SUMF1: variants seen among roughly 807,000 people sequenced by gnomAD.
SUMF1 encodes formylglycine-generating enzyme.
A neutral mutation model predicts 47.6 loss-of-function variants in SUMF1; 48 were observed. That is an observed-to-expected ratio of 1.01 (90% CI 0.80 to 1.28). SUMF1 has a LOEUF of 1.28. SUMF1 is among the 50% of genes most tolerant of loss of function. SUMF1 has a pLI of 0.00. For missense variants in SUMF1, 571 were observed against 485.4 expected, an observed-to-expected ratio of 1.18 and a Z score of -1.66; for synonymous variants, 230 against 192.1, an observed-to-expected ratio of 1.20 and a Z score of -1.63.
At chr3:4,432,478 A>G (rs1702263504) in intron 3 of SUMF1, among the ~76,000 whole-genome samples, 1 of 152,088 alleles carries the variant, frequency 6.6e-6, no homozygotes, top group Non-Finnish European at 1.5e-5. Context: ...ACAAAGCTCT[A>G]TGTAATCCAA....
chr3:4,420,993 C>G (rs1271852686), intron 3 of SUMF1, among the ~76,000 whole-genome samples: 1 of 152,184 alleles, frequency 6.6e-6, no homozygotes, highest in East Asian at 1.9e-4. Context: ...TGGGAGCACA[C>G]CCACCTGCCT....
chr3:4,065,622 C>T (rs1183107139), intron 9 of SUMF1, among the ~76,000 whole-genome samples: 1 of 152,022 alleles, frequency 6.6e-6, no homozygotes, highest in African/African-American at 2.4e-5. Flanking sequence ...CTTAAGCAAT[C>T]ATTTGAACTT....
chr3:4,197,359 C>A (rs1383615173), intron 8 of SUMF1, among the ~76,000 whole-genome samples: 3 of 152,072 alleles, frequency 2.0e-5, no homozygotes, highest in Non-Finnish European at 2.9e-5. Context: ...CCTCAGCCTC[C>A]CAAAGTGCTG....
At chr3:4,172,710 G>T (rs1574949070) in intron 8 of SUMF1, among the ~76,000 whole-genome samples, 1 of 151,842 alleles carries the variant, frequency 6.6e-6, no homozygotes, top group South Asian at 2.1e-4. Context: ...TTGTTTTTTG[G>T]GGTTTTTTCT....
intron 8 of SUMF1, among the ~76,000 whole-genome samples, chr3:4,300,379 A>G (rs1697938081): frequency 6.6e-6 from 1 of 152,198 alleles, no homozygotes. Flanking sequence ...TCTTTTCTTT[A>G]TAAATTACCT....
At chr3:4,450,550 T>A (rs1702935444) in intron 2 of SUMF1, among the ~76,000 whole-genome samples, 1 of 152,154 alleles carries the variant, frequency 6.6e-6, no homozygotes, top group Non-Finnish European at 1.5e-5. Context: ...ACACCTACCA[T>A]GTGCTCAGTT....
chr3:4,176,381 A>G (rs370909067), intron 8 of SUMF1, among the ~76,000 whole-genome samples: 14 of 152,210 alleles, frequency 9.2e-5, no homozygotes, highest in African/African-American at 3.4e-4. Context: ...GGGGGCCAAT[A>G]TTCAACGTTC....
chr3:4,444,461 T>C (rs181567655), intron 3 of SUMF1, among the ~76,000 whole-genome samples: 1 of 152,316 alleles, frequency 6.6e-6, no homozygotes, highest in East Asian at 1.9e-4. Context: ...GTTTCAATAA[T>C]ACAGAAATAG....
chr3:4,364,441 G>A (rs1312473391), intron 8 of SUMF1, among the ~76,000 whole-genome samples: 30 of 145,434 alleles, frequency 2.1e-4, no homozygotes, highest in African/African-American at 7.6e-4. Context: ...CTTCTTCCTG[G>A]TTTAGTCTTG....
At chr3:4,303,237 C>G (rs1437885816) in intron 8 of SUMF1, 27 of 944,886 alleles carry the variant, frequency 2.9e-5, no homozygotes. Context: ...GGAAGGGAAG[C>G]GCCTTCCAGG....
intron 3 of SUMF1, among the ~76,000 whole-genome samples, chr3:4,421,591 C>T (rs1434680085): frequency 6.6e-6 from 1 of 152,154 alleles, no homozygotes; most frequent in East Asian, 1.9e-4. Context: ...GTGATCCTCC[C>T]GCCTCACCAT....
chr3:4,385,575 C>A (rs140577798), intron 7 of SUMF1, among the ~76,000 whole-genome samples: 128 of 152,252 alleles, frequency 8.4e-4, no homozygotes, highest in South Asian at 1.7e-3. Context: ...ACTCTGTAGC[C>A]TGCCTTTATA....
intron 7 of SUMF1, among the ~76,000 whole-genome samples, chr3:4,399,819 G>A (rs543875204): frequency 5.9e-5 from 9 of 152,170 alleles, no homozygotes; most frequent in East Asian, 1.9e-4. Flanking sequence ...GTGCAGTAGC[G>A]CGATCTCGGC....
intron 7 of SUMF1, among the ~76,000 whole-genome samples, chr3:4,407,772 T>C (rs1374189809): frequency 1.3e-5 from 2 of 152,200 alleles, no homozygotes; most frequent in Non-Finnish European, 2.9e-5. Flanking sequence ...TTGCCTCAAA[T>C]GGCAGATGTA....
At chr3:4,137,241 G>T (rs549207045) in intron 8 of SUMF1, among the ~76,000 whole-genome samples, 2 of 152,020 alleles carry the variant, frequency 1.3e-5, no homozygotes, top group African/African-American at 2.4e-5. Flanking sequence ...AAAAATGATA[G>T]ACTGGATTAA....
chr3:4,200,748 C>A (rs1299468579), intron 8 of SUMF1, among the ~76,000 whole-genome samples: 1 of 152,094 alleles, frequency 6.6e-6, no homozygotes, highest in African/African-American at 2.4e-5. Flanking sequence ...ACTATCCATA[C>A]AGGATTCTGT....
At chr3:4,423,371 G>T (rs1405597568) in intron 3 of SUMF1, among the ~76,000 whole-genome samples, 1 of 151,780 alleles carries the variant, frequency 6.6e-6, no homozygotes, top group Non-Finnish European at 1.5e-5. Flanking sequence ...CAGCAACCTG[G>T]ATGGGATTGG....
intron 8 of SUMF1, among the ~76,000 whole-genome samples, chr3:4,091,060 G>T (rs572311542): frequency 6.7e-6 from 1 of 150,288 alleles, no homozygotes; most frequent in South Asian, 2.1e-4. Context: ...CAGCCTGGGC[G>T]ACAGAACGAG....
At chr3:4,314,485 G>A (rs559244703) in intron 8 of SUMF1, 2 of 152,206 alleles carry the variant, frequency 1.3e-5, no homozygotes, top group Non-Finnish European at 2.9e-5. Flanking sequence ...ACCCTAATAA[G>A]TACTACCAGT....
Sources: allele counts gnomAD v4.1 joint callset (sites outside exome capture counted in the v4.1 genomes callset), GRCh38; gene constraint gnomAD v4.1.1; transcripts MANE v1.5; gene names NCBI Gene and HGNC (gene_info 2026-07-23, HGNC 2026-07-21).